The following GYS1 variants were observed in gnomAD, a reference collection of about 807,000 sequenced individuals.
The protein encoded by GYS1 is glycogen synthase 1, also known as glycogen [starch] synthase, muscle.
A neutral mutation model predicts 89.1 loss-of-function variants in GYS1; 60 were observed. The observed-to-expected ratio is 0.67, with a 90% CI of 0.55 to 0.84. The LOEUF (loss-of-function observed/expected upper bound fraction) is 0.84. Among genes scored for constraint, GYS1 ranks in the 40% least tolerant of loss-of-function variants. GYS1 has a pLI of 0.00. For synonymous variants in GYS1, 366 were observed against 401.7 expected (o/e 0.91, Z 1.06); for missense variants, 888 against 1,003.1 (o/e 0.89, Z 1.55).
rs375010111 is a variant in GYS1 at position 48,978,133 on chromosome 19, T to G, written c.1194A>C (p.Glu398Asp). 2 of 1,614,126 alleles carry G rather than the reference T, an allele frequency of 1.2e-6. No individual in the cohort carries two copies. Among genetic ancestry groups the G allele is most frequent in the Non-Finnish European group, 1.7e-6 (2 of 1,179,986 alleles). ...QLWDTANTVKEKFGRKLYESL... is the reference protein window; with the variant it reads ...QLWDTANTVKDKFGRKLYESL... ...ATTCATAAAGCTTCCTCCCGAACTT[T>G]TCCTTCACCGTGTTGGCCGTGTCCC... is the stretch of plus-strand genomic sequence containing the variant. The change falls in exon 9 of 16, where the codon GAA becomes GAC. Residue 398 changes from glutamate (E) to aspartate (D), a missense_variant. Transcript: ENST00000323798.
At chr19:48,981,096 G>A (rs2038754060) in intron 8 of GYS1, among the ~76,000 whole-genome samples, 1 of 143,862 alleles carries the variant, frequency 7.0e-6, no homozygotes, top group African/African-American at 2.6e-5. Flanking sequence ...TTGGGCGACA[G>A]AGCAAAACTC....
At chr19:48,981,471 G>A in intron 8 of GYS1, 59 bp downstream of exon 8, 2 of 906,988 alleles carry the variant, frequency 2.2e-6, no homozygotes, top group Non-Finnish European at 3.7e-6. Context: ...AGAAACACAG[G>A]ACCCAAAGCA....
chr19:48,976,046 G>A (rs964830060), intron 10 of GYS1, among the ~76,000 whole-genome samples: 1 of 151,978 alleles, frequency 6.6e-6, no homozygotes, highest in Non-Finnish European at 1.5e-5. Flanking sequence ...CCTGAGGACT[G>A]CTGGGGTGTA....
Position 48,969,430 on chromosome 19 carries a change from G to T in GYS1, c.2072C>A (p.Pro691Gln), listed in dbSNP as rs1015032865. The change falls in exon 16 of 16, where the codon CCA becomes CAA. Residue 691 changes from proline to glutamine, a missense_variant. By Grantham distance (76) the Pro-to-Gln change is moderately conservative. Coordinates refer to ENST00000323798, the MANE Select transcript of GYS1 (RefSeq NM_002103.5). ...AAKDRRNIRA[P>Q]EWPRRASCTS... is the part of the protein sequence containing the mutation. ...GCAGGACGCTCGGCGCGGCCACTCT[G>T]GTGCACGGATGTTGCGCCGGTCCTT... is the stretch of plus-strand genomic sequence containing the variant. The T allele has an allele frequency of 6.5e-7, 1 of 1,546,232 alleles. No individual in the cohort carries two copies. The highest frequency in any genetic ancestry group is 8.7e-7 in the Non-Finnish European group (1 of 1,148,106).
chr19:48,970,734 A>G, intron 13 of GYS1, 25 bp from the exon 14 acceptor site: 1 of 1,610,382 alleles, frequency 6.2e-7, no homozygotes, highest in Middle Eastern at 1.7e-4. Flanking sequence ...ACCCAGGTTC[A>G]GAAAACATCC....
intron 8 of GYS1, among the ~76,000 whole-genome samples, chr19:48,979,269 T>C (rs536245736): frequency 3.2e-4 from 49 of 151,102 alleles, no homozygotes; most frequent in African/African-American, 1.1e-3. Context: ...ACTCCTCCAC[T>C]TAAAATCCTC....
intron 14 of GYS1, 91 bp downstream of exon 14, chr19:48,970,455 C>T (rs1189004668): frequency 9.3e-7 from 1 of 1,070,474 alleles, no homozygotes; most frequent in African/African-American, 1.5e-5. Flanking sequence ...GCAACTGTTA[C>T]AAGTAGGATG....
chr19:48,988,364 C>G (rs117602919), intron 2 of GYS1, among the ~76,000 whole-genome samples: 20 of 151,440 alleles, frequency 1.3e-4, no homozygotes, highest in Non-Finnish European at 5.9e-5. Context: ...GACAGGGTCT[C>G]GCTCTGTTGC....
Position 48,969,332 on chromosome 19 carries a change from C to T in GYS1, c.2170G>A (p.Glu724Lys), listed in dbSNP as rs1053724936. ...AGGGAGCTGGTGGGGCTGAGGGGCTCGCTCGGGGTGCTGAGTGAGCTGGAG... is the reference window on the plus strand; with the variant it reads ...AGGGAGCTGGTGGGGCTGAGGGGCTTGCTCGGGGTGCTGAGTGAGCTGGAG... ...ATSSSLSTPS[E>K]PLSPTSSLGE... Residue 724 changes from glutamate (E) to lysine (K), a missense_variant, in exon 16 of 16, where the codon GAG becomes AAG. Transcript: ENST00000323798. 6.3e-7 allele frequency: 1 copy of T among 1,583,584 alleles called. No individual in the cohort carries two copies. Among genetic ancestry groups the T allele is most frequent in the Admixed American group, 1.7e-5 (1 of 57,444 alleles).
rs929853460 is a variant in GYS1 at position 48,991,146 on chromosome 19, G to C, written c.300+156C>G. Among the ~76,000 whole-genome samples, 7 of 152,146 alleles carry C rather than the reference G, an allele frequency of 4.6e-5. No homozygotes were observed. Among genetic ancestry groups the C allele is most frequent in the Non-Finnish European group, 1.0e-4 (7 of 68,026 alleles). ...ATCCACCCACCCACTTCCAGGCCCT[G>C]CATCTGTCTGGGTGTCCTATCACGC... On this transcript the variant is annotated intron_variant, in intron 2 of 15. Transcript: ENST00000323798. The surrounding 1 kb of genome is among the most constrained non-coding windows in gnomAD (Gnocchi z 4.7).
At chr19:48,980,428 C>T (rs1184802051) in intron 8 of GYS1, among the ~76,000 whole-genome samples, 1 of 152,146 alleles carries the variant, frequency 6.6e-6, no homozygotes, top group African/African-American at 2.4e-5. Context: ...ATGAGGAGGG[C>T]AGGTCACTTG....
intron 12 of GYS1, among the ~76,000 whole-genome samples, chr19:48,973,918 T>A (rs990858060): frequency 2.6e-5 from 4 of 152,202 alleles, no homozygotes; most frequent in African/African-American, 9.6e-5. Flanking sequence ...CACACTCGGC[T>A]GTATTTGTGA....
chr19:48,981,691 C>A, intron 7 of GYS1, 55 bp from the exon 8 acceptor site: 1 of 1,136,038 alleles, frequency 8.8e-7, no homozygotes, highest in Non-Finnish European at 1.3e-6. Flanking sequence ...AGCCTGGAAC[C>A]AGCCAGCCTT....
At chr19:48,992,704 A>T (rs2038956432) in intron 1 of GYS1, among the ~76,000 whole-genome samples, 2 of 151,914 alleles carry the variant, frequency 1.3e-5, no homozygotes, top group African/African-American at 4.8e-5. Flanking sequence ...CCTGTTCAGG[A>T]CCCAGGTATC....
chr19:48,969,427 T>C lies in GYS1; in HGVS notation c.2075A>G (p.Glu692Gly), dbSNP rs369846298. Residue 692 changes from glutamate to glycine, a missense_variant, in exon 16 of 16, where the codon GAG (glutamate) becomes GGG (glycine). Glu to Gly is a moderately conservative substitution (Grantham distance 98). Coordinates refer to ENST00000323798, the MANE Select transcript of GYS1 (RefSeq NM_002103.5). ...GGTGCAGGACGCTCGGCGCGGCCAC[T>C]CTGGTGCACGGATGTTGCGCCGGTC... ...AKDRRNIRAPEWPRRASCTSS... is the reference protein window; with the variant it reads ...AKDRRNIRAPGWPRRASCTSS... The C allele has an allele frequency of 4.5e-6, 7 of 1,546,374 alleles. No homozygotes were observed. In the African/African-American group the frequency reaches 9.6e-5, roughly 21 times the overall value.
chr19:48,970,281 C>G (rs951906212), intron 14 of GYS1: 30 of 488,248 alleles, frequency 6.1e-5, no homozygotes, highest in African/African-American at 5.6e-4. Context: ...CGCACCATCA[C>G]GCTCGGCTGA....
At chr19:48,992,762 G>C (rs2038958096) in intron 1 of GYS1, among the ~76,000 whole-genome samples, 1 of 151,904 alleles carries the variant, frequency 6.6e-6, no homozygotes, top group Admixed American at 6.6e-5. Flanking sequence ...TCATTTTAGC[G>C]CCCTCTTCCC....
At chr19:48,975,285 G>T (rs2038628733) in intron 10 of GYS1, among the ~76,000 whole-genome samples, 1 of 147,292 alleles carries the variant, frequency 6.8e-6, no homozygotes, top group African/African-American at 2.5e-5. Flanking sequence ...TGTTGGCCAA[G>T]TTGGTCTCGA....
intron 8 of GYS1, among the ~76,000 whole-genome samples, chr19:48,979,340 T>TC (rs2122496580): frequency 3.0e-4 from 4 of 13,484 alleles, no homozygotes; most frequent in East Asian, 2.2e-3. Flanking sequence ...TCTTTTCTTT[T>TC]TTTTTTTTTT....
Sources: allele counts gnomAD v4.1 joint callset (sites outside exome capture counted in the v4.1 genomes callset), GRCh38; gene constraint gnomAD v4.1.1; non-coding constraint Gnocchi (gnomAD v3.1); transcripts MANE v1.5; gene names NCBI Gene and HGNC (gene_info 2026-07-23, HGNC 2026-07-21).